Variants in FOXN3 observed in about 807,000 individuals in gnomAD.
The protein encoded by FOXN3 is forkhead box N3, also known as forkhead box protein N3.
A neutral mutation model predicts 38.4 loss-of-function variants in FOXN3; 7 were observed. That is an observed-to-expected ratio of 0.18 (90% confidence interval 0.10 to 0.34). The LOEUF (loss-of-function observed/expected upper bound fraction) is 0.34. Among genes scored for constraint, FOXN3 ranks in the 10% least tolerant of loss-of-function variants. FOXN3 has a pLI of 1.00. For synonymous variants in FOXN3, 230 were observed against 242.2 expected, an observed-to-expected ratio of 0.95 and a Z score of 0.47; for missense variants, 456 against 613.4, an observed-to-expected ratio of 0.74 and a Z score of 2.71.
chr14:89,477,272 C>A (rs1220713806), intron 1 of FOXN3, among the ~76,000 whole-genome samples: 3 of 152,074 alleles, frequency 2.0e-5, no homozygotes, highest in Non-Finnish European at 2.9e-5. Context: ...CTGAAATAGA[C>A]CAGACTGGAT....
At chr14:89,304,110 A>G (rs1344131514) in intron 3 of FOXN3, among the ~76,000 whole-genome samples, 1 of 152,260 alleles carries the variant, frequency 6.6e-6, no homozygotes, top group Non-Finnish European at 1.5e-5. Context: ...AAACTTGAAC[A>G]GAACCTGAAA....
intron 2 of FOXN3, among the ~76,000 whole-genome samples, chr14:89,363,758 T>G (rs76026781): frequency 0.065 from 9,926 of 151,924 alleles, 476 homozygotes; most frequent in Middle Eastern, 0.12. Flanking sequence ...TTATTCACCA[T>G]GAACTTACAG....
At chr14:89,533,629 T>G (rs1894620994) in intron 1 of FOXN3, among the ~76,000 whole-genome samples, 1 of 117,114 alleles carries the variant, frequency 8.5e-6, no homozygotes, top group African/African-American at 3.3e-5. Context: ...ACCACTGCAC[T>G]CCAGCCTGGG....
intron 3 of FOXN3, chr14:89,290,426 G>C: frequency 2.7e-6 from 1 of 376,122 alleles, no homozygotes; most frequent in Non-Finnish European, 5.2e-6. Context: ...GAATGTACTT[G>C]GAGTTGGTCA....
intron 1 of FOXN3, among the ~76,000 whole-genome samples, chr14:89,453,465 CAGG>C (rs1343864558): frequency 6.9e-6 from 1 of 144,528 alleles, no homozygotes; most frequent in Non-Finnish European, 1.5e-5. Context: ...GAGGCTGAAG[CAGG>C]AGAACGGTGT....
At chr14:89,190,442 G>A in intron 4 of FOXN3, 5 of 1,613,722 alleles carry the variant, frequency 3.1e-6, no homozygotes, top group Non-Finnish European at 4.2e-6. Context: ...CAGCATCAAT[G>A]TCAGGATCTG....
At chr14:89,604,137 T>C (rs1031832685) in intron 1 of FOXN3, among the ~76,000 whole-genome samples, 12 of 151,876 alleles carry the variant, frequency 7.9e-5, no homozygotes, top group African/African-American at 2.9e-4. Flanking sequence ...CTGGAGAAAC[T>C]CACTTTCAAC....
intron 4 of FOXN3, chr14:89,190,396 T>C (rs1887912034): frequency 1.2e-6 from 2 of 1,613,626 alleles, no homozygotes; most frequent in South Asian, 2.2e-5. Flanking sequence ...CCTGCTTGTA[T>C]CTCAGGGGGA....
rs531064220 is a variant in FOXN3, at chr14:89,359,900, G to C, written c.544-9092C>G. Among the ~76,000 whole-genome samples, 42 of 152,284 alleles carry C rather than the reference G, an allele frequency of 2.8e-4. No individual in the cohort carries two copies. In the South Asian group the frequency reaches 4.6e-3, roughly 17 times the overall value. ...GCCTCTGAGGCCACTGTTCTCTCAC[G>C]GATCCTTGAGCTCATGGTGGGAACT... is the stretch of plus-strand genomic sequence containing the variant. On this transcript the variant is annotated intron_variant, in intron 2 of 5. Coordinates refer to ENST00000557258, the MANE Select transcript of FOXN3 (RefSeq NM_005197.4).
chr14:89,560,292 A>G (rs1030094263), intron 1 of FOXN3, among the ~76,000 whole-genome samples: 1 of 152,114 alleles, frequency 6.6e-6, no homozygotes, highest in East Asian at 1.9e-4. Context: ...TCAACATGAC[A>G]TTTGGGTGGG....
In FOXN3 at chr14:89,342,450, C is replaced by A. The variant is rs556874571; in HGVS notation, c.680+8222G>T. ...TGAGAACAAAATTATTCTATGAGAC[C>A]AACTCAGGAAATATAATGGAAGTCA... On this transcript the variant is annotated intron_variant, in intron 3 of 5. Transcript: ENST00000557258. 5.9e-5 allele frequency among the ~76,000 whole-genome samples: 9 copies of A among 152,202 alleles called. No individual in the cohort carries two copies. In the East Asian group the frequency reaches 1.7e-3, roughly 29 times the overall value.
chr14:89,346,712 A>C (rs1888768020), intron 3 of FOXN3, among the ~76,000 whole-genome samples: 2 of 152,084 alleles, frequency 1.3e-5, no homozygotes, highest in African/African-American at 4.8e-5. Context: ...TCATCTTTAG[A>C]AGTAGGTCAT....
intron 1 of FOXN3, among the ~76,000 whole-genome samples, chr14:89,612,619 G>C (rs56132018): frequency 0.026 from 4,008 of 151,700 alleles, 159 homozygotes; most frequent in African/African-American, 0.092. Flanking sequence ...AGCACAGGGA[G>C]ACCCCATCTC....
intron 2 of FOXN3, among the ~76,000 whole-genome samples, chr14:89,385,718 A>C (rs956169827): frequency 6.6e-6 from 1 of 152,152 alleles, no homozygotes; most frequent in African/African-American, 2.4e-5. Flanking sequence ...GAGGCAGGAG[A>C]ATTGCTTGAA....
At chr14:89,278,323 G>A (rs907939088) in intron 4 of FOXN3, among the ~76,000 whole-genome samples, 14 of 151,968 alleles carry the variant, frequency 9.2e-5, no homozygotes, top group Non-Finnish European at 1.5e-4. Context: ...GTGGGAAACC[G>A]CCCCATGATT....
chr14:89,566,447 A>T (rs181651880), intron 1 of FOXN3, among the ~76,000 whole-genome samples: 6,254 of 134,096 alleles, frequency 0.047, 146 homozygotes, highest in African/African-American at 0.074. Flanking sequence ...TAATTTTTTT[A>T]AAAAAAAATG....
At chr14:89,537,441 TTGGATGGATGGA>T (rs10588872) in intron 1 of FOXN3, among the ~76,000 whole-genome samples, 58 of 149,700 alleles carry the variant, frequency 3.9e-4, no homozygotes, top group East Asian at 9.9e-4. Flanking sequence ...CCATGAAATG[TTGGATGGATGGA>T]TGGATGGATG....
chr14:89,586,098 G>A (rs896515086), intron 1 of FOXN3, among the ~76,000 whole-genome samples: 1 of 151,898 alleles, frequency 6.6e-6, no homozygotes, highest in Non-Finnish European at 1.5e-5. Context: ...GTCTTGAGGT[G>A]GAATCTCTAT....
intron 4 of FOXN3, among the ~76,000 whole-genome samples, chr14:89,254,608 A>G (rs1206441211): frequency 6.6e-6 from 1 of 152,116 alleles, no homozygotes; most frequent in African/African-American, 2.4e-5. Flanking sequence ...AGTAGTGGCA[A>G]TGAATTCAAA....
Sources: gnomAD v4.1 joint callset for allele counts (sites outside exome capture counted in the v4.1 genomes callset) on GRCh38, gnomAD v4.1.1 for gene constraint, MANE v1.5 for transcripts, NCBI Gene and HGNC (gene_info 2026-07-23, HGNC 2026-07-21) for gene names.